Variants in CNTNAP5 observed in about 807,000 individuals in gnomAD.
The protein encoded by CNTNAP5 is contactin-associated protein-like 5.
CNTNAP5 carries 72 observed loss-of-function variants against 150.2 expected under a neutral mutation model. The ratio of observed to expected loss-of-function variants is 0.48; its 90% CI spans 0.40 to 0.58. CNTNAP5 has a LOEUF of 0.58. CNTNAP5 is among the 20% of genes least tolerant of loss of function. CNTNAP5 has a pLI of 0.00. For missense variants in CNTNAP5, 1,636 were observed against 1,626.2 expected (o/e 1.01, Z -0.10); for synonymous variants, 672 against 619.8 (o/e 1.08, Z -1.25).
intron 1 of CNTNAP5, among the ~76,000 whole-genome samples, chr2:124,195,117 C>T (rs1468526497): frequency 6.6e-6 from 1 of 151,998 alleles, no homozygotes. Context: ...CAAGAATGCA[C>T]GTTTGAGCAA....
intron 1 of CNTNAP5, among the ~76,000 whole-genome samples, chr2:124,042,902 C>T (rs565826729): frequency 6.6e-5 from 10 of 152,140 alleles, no homozygotes; most frequent in Admixed American, 1.3e-4. Context: ...GACGTAACTA[C>T]GTGACTCAGG....
At chr2:124,866,614 C>T (rs548448717) in intron 20 of CNTNAP5, among the ~76,000 whole-genome samples, 2 of 152,046 alleles carry the variant, frequency 1.3e-5, no homozygotes, top group Non-Finnish European at 2.9e-5. Context: ...CATGTGAGCG[C>T]AGGCTAAAGC....
chr2:124,660,681 G>C (rs936411985), intron 13 of CNTNAP5, among the ~76,000 whole-genome samples: 1 of 152,070 alleles, frequency 6.6e-6, no homozygotes, highest in Non-Finnish European at 1.5e-5. Flanking sequence ...TTCACAGCCT[G>C]TTGCTGTACT....
intron 11 of CNTNAP5, among the ~76,000 whole-genome samples, chr2:124,583,442 G>A (rs556929897): frequency 1.3e-5 from 2 of 152,308 alleles, no homozygotes; most frequent in African/African-American, 4.8e-5. Context: ...ATGCCACCTG[G>A]CTTGAGAAGT....
At chr2:124,301,972 T>C (rs993453530) in intron 3 of CNTNAP5, among the ~76,000 whole-genome samples, 2 of 152,178 alleles carry the variant, frequency 1.3e-5, no homozygotes, top group Non-Finnish European at 2.9e-5. Context: ...AATGAGGTCA[T>C]AAAGTGAAGC....
rs1681692525 is a variant in CNTNAP5 at position 124,790,085 on chromosome 2, A to G, written c.2936A>G (p.Asn979Ser). The change falls in exon 18 of 24, where the codon AAT becomes AGT. Residue 979 changes from asparagine (N) to serine (S), a missense_variant. Physicochemically the swap from Asn to Ser is conservative, Grantham distance 46. Coordinates refer to ENST00000682447, the MANE Select transcript of CNTNAP5 (RefSeq NM_001367498.1). ...GGGGGCAAGTGTGTGGAGAAGCACAATGGCTACCTGTGTGATTGCACCAAT... is the reference window on the plus strand; with the variant it reads ...GGGGGCAAGTGTGTGGAGAAGCACAGTGGCTACCTGTGTGATTGCACCAAT... ...HNGGKCVEKH[N>S]GYLCDCTNSP... 2 of 1,613,872 alleles carry G rather than the reference A, an allele frequency of 1.2e-6. No individual in the cohort carries two copies. The highest frequency in any genetic ancestry group is 1.3e-5 in the African/African-American group (1 of 75,030).
chr2:124,726,580 A>G (rs1045141169), intron 13 of CNTNAP5, among the ~76,000 whole-genome samples: 2 of 152,154 alleles, frequency 1.3e-5, no homozygotes, highest in South Asian at 4.1e-4. Context: ...AAAACAGACT[A>G]ATACAATTAG....
rs1439494667 is a variant in CNTNAP5, at chr2:124,647,964, G to A, written c.2077+6G>A. ...CCGCCTGCTCAACACGCCGGGTAAGGCCTCTGCATGCATGACCACAGTGGG... is the reference window on the plus strand; with the variant it reads ...CCGCCTGCTCAACACGCCGGGTAAGACCTCTGCATGCATGACCACAGTGGG... On this transcript the variant is annotated splice_donor_region_variant and intron_variant, in intron 13 of 23. Transcript: ENST00000682447. 1.3e-6 allele frequency: 2 copies of A among 1,586,894 alleles called. No individual in the cohort carries two copies. Among genetic ancestry groups the A allele is most frequent in the Non-Finnish European group, 1.7e-6 (2 of 1,166,860 alleles).
At chr2:124,419,988 C>CTTTCT (rs760831784) in intron 4 of CNTNAP5, among the ~76,000 whole-genome samples, 7,094 of 78,916 alleles carry the variant, frequency 0.09, 1,430 homozygotes, top group Non-Finnish European at 0.12. Context: ...TTCTTTCTTT[C>CTTTCT]TTTTTTTTTT....
intron 2 of CNTNAP5, among the ~76,000 whole-genome samples, chr2:124,239,520 G>A (rs1686833684): frequency 1.3e-5 from 2 of 152,082 alleles, no homozygotes; most frequent in South Asian, 2.1e-4. Flanking sequence ...AATCACATAT[G>A]AGTAATAAAA....
chr2:124,377,683 AAAAAAAAAAG>A (rs796740362), intron 3 of CNTNAP5, among the ~76,000 whole-genome samples: 2 of 114,306 alleles, frequency 1.7e-5, no homozygotes, highest in African/African-American at 6.9e-5. Context: ...CTCAAAAAGG[AAAAAAAAAAG>A]AAAAAAAAAT....
At chr2:124,761,272 C>A (rs1455517210) in intron 14 of CNTNAP5, among the ~76,000 whole-genome samples, 1 of 152,080 alleles carries the variant, frequency 6.6e-6, no homozygotes, top group Non-Finnish European at 1.5e-5. Flanking sequence ...TGGTACCTGT[C>A]ACTCACAAAT....
chr2:124,767,184 C>T (rs544195168), intron 16 of CNTNAP5, among the ~76,000 whole-genome samples: 33 of 152,230 alleles, frequency 2.2e-4, no homozygotes, highest in African/African-American at 7.7e-4. Flanking sequence ...AATAGATTTC[C>T]CTCTCATCCG....
chr2:124,134,814 G>A (rs923809279), intron 1 of CNTNAP5, among the ~76,000 whole-genome samples: 2 of 152,144 alleles, frequency 1.3e-5, no homozygotes, highest in African/African-American at 4.8e-5. Flanking sequence ...CCTCCCAGAA[G>A]AAAGGTTACA....
intron 8 of CNTNAP5, among the ~76,000 whole-genome samples, chr2:124,510,301 C>CTATATATATATATCTATGTATCTA (rs368230554): frequency 9.4e-6 from 1 of 106,056 alleles, no homozygotes; most frequent in Admixed American, 1.2e-4. Context: ...ATCTATATAT[C>CTATATATATATATCTATGTATCTA]TATATATATA....
intron 13 of CNTNAP5, among the ~76,000 whole-genome samples, chr2:124,684,170 T>G (rs1679142804): frequency 6.6e-6 from 1 of 152,190 alleles, no homozygotes; most frequent in Non-Finnish European, 1.5e-5. Context: ...AGAAGTACCC[T>G]GAAATGACAG....
chr2:124,780,898 T>C (rs757712950), intron 17 of CNTNAP5, among the ~76,000 whole-genome samples: 11 of 152,248 alleles, frequency 7.2e-5, no homozygotes, highest in Non-Finnish European at 1.5e-4. Context: ...CCAGACTATA[T>C]GATTGTTTTA....
At chr2:124,819,608 TG>T (rs1220766082) in intron 19 of CNTNAP5, among the ~76,000 whole-genome samples, 1 of 152,182 alleles carries the variant, frequency 6.6e-6, no homozygotes, top group Non-Finnish European at 1.5e-5. Context: ...TGGAGCCTGC[TG>T]GGCTGAGATG....
At chr2:124,703,300 A>G (rs1178388812) in intron 13 of CNTNAP5, among the ~76,000 whole-genome samples, 2 of 149,140 alleles carry the variant, frequency 1.3e-5, no homozygotes, top group African/African-American at 2.5e-5. Flanking sequence ...TGAAAGAATC[A>G]TTGGTTTTTA....
Sources: gnomAD v4.1 joint callset for allele counts (sites outside exome capture counted in the v4.1 genomes callset) on GRCh38, gnomAD v4.1.1 for gene constraint, MANE v1.5 for transcripts, NCBI Gene and HGNC (gene_info 2026-07-23, HGNC 2026-07-21) for gene names.